The following TRIO variants were observed in gnomAD, a reference collection of about 807,000 sequenced individuals.
TRIO encodes the protein triple functional domain protein.
In TRIO, 58 loss-of-function variants were observed where a neutral mutation model predicts 351.9. That is an observed-to-expected ratio of 0.16 (90% CI 0.13 to 0.21). The LOEUF (loss-of-function observed/expected upper bound fraction) is 0.21. Ranked by LOEUF, TRIO falls within the 10% of genes least tolerant of loss-of-function variation. The probability of loss-of-function intolerance (pLI) is 1.00; values close to 1 mark genes in which losing one functional copy is unlikely to be tolerated. For missense variants in TRIO, 3,201 were observed against 4,027.8 expected, an observed-to-expected ratio of 0.79 and a Z score of 5.56; for synonymous variants, 1,758 against 1,595.7, an observed-to-expected ratio of 1.10 and a Z score of -2.42.
At chr5:14,422,264 T>G (rs1353753321) in intron 34 of TRIO, among the ~76,000 whole-genome samples, 2 of 152,202 alleles carry the variant, frequency 1.3e-5, no homozygotes, top group Non-Finnish European at 2.9e-5. Context: ...TGGAACTGGC[T>G]TTACAGATTT....
At chr5:14,281,428 C>T (rs1314401551) in intron 3 of TRIO, among the ~76,000 whole-genome samples, 1 of 105,378 alleles carries the variant, frequency 9.5e-6, no homozygotes. Flanking sequence ...GTTAGAACCC[C>T]CCCCCCCCGC....
intron 34 of TRIO, among the ~76,000 whole-genome samples, chr5:14,430,957 C>T (rs1033212291): frequency 6.6e-6 from 1 of 152,200 alleles, no homozygotes. Context: ...GGTGATCCGC[C>T]TTCCTCGACT....
intron 2 of TRIO, 38 bp from the exon 3 acceptor site, chr5:14,280,284 T>G (rs778806195): frequency 5.7e-6 from 9 of 1,569,804 alleles, no homozygotes; most frequent in South Asian, 1.1e-5. Flanking sequence ...TTCTGTCTTA[T>G]CTTGTGTCTA....
chr5:14,406,953 CTT>C (rs1748775557), intron 33 of TRIO, among the ~76,000 whole-genome samples: 1 of 152,062 alleles, frequency 6.6e-6, no homozygotes, highest in South Asian at 2.1e-4. Flanking sequence ...CATACTTAGA[CTT>C]TTTAATCTTA....
intron 18 of TRIO, among the ~76,000 whole-genome samples, chr5:14,372,591 G>A (rs1020011817): frequency 5.3e-5 from 8 of 152,300 alleles, no homozygotes; most frequent in African/African-American, 1.9e-4. Context: ...AGTAGAGTTT[G>A]TCCAGAAAAG....
chr5:14,417,667 G>T (rs146475897), intron 33 of TRIO, among the ~76,000 whole-genome samples: 1 of 152,210 alleles, frequency 6.6e-6, no homozygotes, highest in Non-Finnish European at 1.5e-5. Context: ...CCTGTAGTTT[G>T]TCTGGGCTAC....
intron 1 of TRIO, among the ~76,000 whole-genome samples, chr5:14,247,064 C>T (rs549616281): frequency 1.5e-4 from 23 of 152,348 alleles, no homozygotes; most frequent in African/African-American, 5.3e-4. Flanking sequence ...GTCTGTCCAC[C>T]CCCCACCTCC....
chr5:14,268,171 C>A (rs1047245739), intron 1 of TRIO, among the ~76,000 whole-genome samples: 23 of 152,168 alleles, frequency 1.5e-4, no homozygotes, highest in African/African-American at 5.3e-4. Context: ...GAGAGGGAGT[C>A]CATGACTCAT....
At chr5:14,192,676 A>G (rs1268279338) in intron 1 of TRIO, among the ~76,000 whole-genome samples, 1 of 152,234 alleles carries the variant, frequency 6.6e-6, no homozygotes, top group Non-Finnish European at 1.5e-5. Flanking sequence ...TTTACAGGTC[A>G]AGAATACAAG....
At chr5:14,236,706 T>C (rs182601533) in intron 1 of TRIO, among the ~76,000 whole-genome samples, 2 of 152,346 alleles carry the variant, frequency 1.3e-5, no homozygotes, top group Admixed American at 6.5e-5. Flanking sequence ...AGCAGCTTTA[T>C]TGAAGTATAA....
chr5:14,448,538 T>C (rs760973779), intron 34 of TRIO, among the ~76,000 whole-genome samples: 16 of 152,296 alleles, frequency 1.1e-4, no homozygotes, highest in African/African-American at 2.6e-4. Context: ...CAGTGCCACA[T>C]TGGGGCTCGA....
At chr5:14,358,469 A>G (rs1743839389) in intron 12 of TRIO, 122 bp downstream of exon 12, 2 of 1,118,040 alleles carry the variant, frequency 1.8e-6, no homozygotes, top group African/African-American at 1.6e-5. Flanking sequence ...CAGAGCTAGT[A>G]GTGTCTGTGA....
intron 1 of TRIO, among the ~76,000 whole-genome samples, chr5:14,242,097 A>G (rs1794162063): frequency 6.6e-6 from 1 of 152,228 alleles, no homozygotes; most frequent in African/African-American, 2.4e-5. Context: ...ATGTGGAGAC[A>G]GAGATATGGA....
At chr5:14,439,316 A>G (rs1751840471) in intron 34 of TRIO, among the ~76,000 whole-genome samples, 2 of 152,184 alleles carry the variant, frequency 1.3e-5, no homozygotes, top group Non-Finnish European at 2.9e-5. Context: ...GCCTGGCCCA[A>G]ACTTGAGATT....
At chr5:14,201,399 A>T (rs571407297) in intron 1 of TRIO, among the ~76,000 whole-genome samples, 141 of 152,266 alleles carry the variant, frequency 9.3e-4, no homozygotes, top group African/African-American at 2.1e-3. Context: ...GCAGCTTTTT[A>T]AAAAAAATTA....
chr5:14,226,066 A>G (rs954275931), intron 1 of TRIO, among the ~76,000 whole-genome samples: 1 of 152,150 alleles, frequency 6.6e-6, no homozygotes, highest in Non-Finnish European at 1.5e-5. Flanking sequence ...TGGAGGGACC[A>G]TAAGTGACTT....
At chr5:14,448,123 G>C (rs1752571348) in intron 34 of TRIO, among the ~76,000 whole-genome samples, 2 of 152,178 alleles carry the variant, frequency 1.3e-5, no homozygotes, top group East Asian at 3.8e-4. Context: ...AATTTGTTTT[G>C]TTTTGTTTTG....
chr5:14,420,049 G>A (rs1031619325), intron 34 of TRIO, 28 bp downstream of exon 34: 7 of 1,601,422 alleles, frequency 4.4e-6, no homozygotes, highest in African/African-American at 4.0e-5. Context: ...ATGGGTGGCA[G>A]ACCCCTACTG....
At chr5:14,354,689 T>G (rs928010643) in intron 11 of TRIO, among the ~76,000 whole-genome samples, 1 of 152,238 alleles carries the variant, frequency 6.6e-6, no homozygotes, top group Admixed American at 6.5e-5. Flanking sequence ...AGTTTGAACA[T>G]AAAGTGCAGA....
Sources: gnomAD v4.1 joint callset for allele counts (sites outside exome capture counted in the v4.1 genomes callset) on GRCh38, gnomAD v4.1.1 for gene constraint, MANE v1.5 for transcripts, NCBI Gene and HGNC (gene_info 2026-07-23, HGNC 2026-07-21) for gene names.